DTD1: variants seen among roughly 807,000 people sequenced by gnomAD.
DTD1 encodes the protein D-tyrosyl-tRNA deacylase 1 homolog.
A neutral mutation model predicts 25.6 loss-of-function variants in DTD1; 13 were observed. The ratio of observed to expected loss-of-function variants is 0.51; its 90% CI spans 0.33 to 0.81. DTD1 has a LOEUF of 0.81. Ranked by LOEUF, DTD1 falls within the 30% of genes least tolerant of loss-of-function variation. The probability of loss-of-function intolerance (pLI) is 0.02; values close to 1 mark genes in which losing one functional copy is unlikely to be tolerated. For synonymous variants in DTD1, 110 were observed against 103.6 expected (o/e 1.06, Z -0.37); for missense variants, 193 against 266.4 (o/e 0.72, Z 1.92).
At chr20:18,655,476 G>A (rs894305645) in intron 4 of DTD1, among the ~76,000 whole-genome samples, 1 of 152,218 alleles carries the variant, frequency 6.6e-6, no homozygotes, top group Non-Finnish European at 1.5e-5. Flanking sequence ...TTAAAACTTT[G>A]TATTATAGAA....
At chr20:18,634,803 C>G (rs1018007433) in intron 4 of DTD1, among the ~76,000 whole-genome samples, 6 of 152,102 alleles carry the variant, frequency 3.9e-5, no homozygotes, top group Non-Finnish European at 8.8e-5. Context: ...TGATTACCTG[C>G]TGTGGAATCC....
intron 3 of DTD1, among the ~76,000 whole-genome samples, chr20:18,618,672 TACACACACAC>T (rs751474809): frequency 1.9e-4 from 25 of 130,564 alleles, no homozygotes; most frequent in South Asian, 1.0e-3. Context: ...CATAATTTTA[TACACACACAC>T]ACACACACAC....
intron 3 of DTD1, among the ~76,000 whole-genome samples, chr20:18,613,565 C>G (rs2060696820): frequency 6.6e-6 from 1 of 152,182 alleles, no homozygotes; most frequent in Non-Finnish European, 1.5e-5. Flanking sequence ...ACTAGTCTGG[C>G]TCTCCTTGTC....
intron 4 of DTD1, among the ~76,000 whole-genome samples, chr20:18,659,379 C>T (rs1479912836): frequency 6.6e-6 from 1 of 152,166 alleles, no homozygotes; most frequent in East Asian, 1.9e-4. Context: ...TCTTTCCTCC[C>T]TCCCTTTATG....
At chr20:18,693,472 C>T (rs1034249994) in intron 4 of DTD1, among the ~76,000 whole-genome samples, 1 of 151,758 alleles carries the variant, frequency 6.6e-6, no homozygotes, top group Non-Finnish European at 1.5e-5. Context: ...ACCTGACCAA[C>T]GTGGCAAAAC....
intron 4 of DTD1, among the ~76,000 whole-genome samples, chr20:18,742,159 G>T (rs920159483): frequency 6.6e-6 from 1 of 152,062 alleles, no homozygotes; most frequent in Non-Finnish European, 1.5e-5. Context: ...CTAGGTTTTT[G>T]CAAATACAAA....
chr20:18,640,642 T>G (rs1442386698), intron 4 of DTD1, among the ~76,000 whole-genome samples: 3 of 151,768 alleles, frequency 2.0e-5, no homozygotes, highest in Non-Finnish European at 2.9e-5. Context: ...TTTTTTTTTT[T>G]TTTTTTAAGA....
At chr20:18,648,995 CAAA>C (rs57780175) in intron 4 of DTD1, among the ~76,000 whole-genome samples, 6 of 56,270 alleles carry the variant, frequency 1.1e-4, no homozygotes, top group Admixed American at 6.4e-4. Flanking sequence ...GACTCCATCT[CAAA>C]AAAAAAAAAA....
chr20:18,716,227 A>G lies in DTD1; in HGVS notation c.478-27873A>G, dbSNP rs544348565. 1.3e-3 allele frequency among the ~76,000 whole-genome samples: 195 copies of G among 152,330 alleles called. 1 individual carries two copies. Among genetic ancestry groups the G allele is most frequent in the African/African-American group, 4.6e-3 (191 of 41,590 alleles). ...TCAGGATCTGAACCTTTGATATCCCAGAAGCATTTGGATTCTCTCCTTGAA... is the reference window on the plus strand; with the variant it reads ...TCAGGATCTGAACCTTTGATATCCCGGAAGCATTTGGATTCTCTCCTTGAA... On this transcript the variant is annotated intron_variant, in intron 4 of 5. Coordinates refer to ENST00000377452, the MANE Select transcript of DTD1 (RefSeq NM_080820.6).
chr20:18,588,896 T>C, intron 1 of DTD1: 1 of 982,990 alleles, frequency 1.0e-6, no homozygotes, highest in Non-Finnish European at 1.2e-6. Flanking sequence ...ACGAAAGATA[T>C]TTTTTAAAAA....
intron 3 of DTD1, among the ~76,000 whole-genome samples, chr20:18,627,683 A>G (rs2060765169): frequency 6.6e-6 from 1 of 151,968 alleles, no homozygotes; most frequent in African/African-American, 2.4e-5. Context: ...ACGCTGATCT[A>G]GGTGTGTGAT....
At chr20:18,702,776 A>C (rs1053750526) in intron 4 of DTD1, among the ~76,000 whole-genome samples, 3 of 151,592 alleles carry the variant, frequency 2.0e-5, no homozygotes, top group Admixed American at 1.3e-4. Context: ...ACTGTCTACA[A>C]AAATTTTAAA....
chr20:18,675,886 G>GTGT (rs1568665525), intron 4 of DTD1, among the ~76,000 whole-genome samples: 4 of 30,294 alleles, frequency 1.3e-4, no homozygotes, highest in Non-Finnish European at 1.9e-4. Context: ...GTGTATTTAC[G>GTGT]AAATGGGATC....
intron 4 of DTD1, among the ~76,000 whole-genome samples, chr20:18,656,360 T>C (rs1317881461): frequency 6.6e-6 from 1 of 152,238 alleles, no homozygotes; most frequent in Non-Finnish European, 1.5e-5. Context: ...GAAATCTCTA[T>C]GGCTTAACAC....
At chr20:18,668,810 T>C (rs1296289138) in intron 4 of DTD1, among the ~76,000 whole-genome samples, 7 of 152,268 alleles carry the variant, frequency 4.6e-5, no homozygotes, top group Non-Finnish European at 1.5e-5. Context: ...TTCCAGATTT[T>C]TCTGCCTCTC....
intron 4 of DTD1, among the ~76,000 whole-genome samples, chr20:18,673,721 G>T (rs565141831): frequency 6.6e-6 from 1 of 152,252 alleles, no homozygotes; most frequent in East Asian, 1.9e-4. Flanking sequence ...AGTCCTCAGA[G>T]AGGTAGTTGT....
At chr20:18,648,336 C>T (rs867344620) in intron 4 of DTD1, among the ~76,000 whole-genome samples, 21 of 152,138 alleles carry the variant, frequency 1.4e-4, no homozygotes, top group Non-Finnish European at 4.4e-5. Context: ...GGCTGTACCC[C>T]AAGCCAATGA....
At chr20:18,696,824 G>A (rs1600375951) in intron 4 of DTD1, among the ~76,000 whole-genome samples, 1 of 152,050 alleles carries the variant, frequency 6.6e-6, no homozygotes, top group East Asian at 2.0e-4. Context: ...AAAGTGCTGG[G>A]ATTACAGGCG....
At chr20:18,692,351 C>T (rs1438515184) in intron 4 of DTD1, among the ~76,000 whole-genome samples, 1 of 152,224 alleles carries the variant, frequency 6.6e-6, no homozygotes, top group Non-Finnish European at 1.5e-5. Context: ...AACGTAGCAT[C>T]TCCATTCATA....
Sources: gnomAD v4.1 joint callset for allele counts (sites outside exome capture counted in the v4.1 genomes callset) on GRCh38, gnomAD v4.1.1 for gene constraint, MANE v1.5 for transcripts, NCBI Gene and HGNC (gene_info 2026-07-23, HGNC 2026-07-21) for gene names.